The following STX8 variants were observed in gnomAD, a reference collection of about 807,000 sequenced individuals.
STX8 encodes the protein syntaxin 8.
STX8 carries 23 observed loss-of-function variants against 37.5 expected under a neutral mutation model. That is an observed-to-expected ratio of 0.61 (90% CI 0.44 to 0.87). STX8 has a LOEUF of 0.87. Ranked by LOEUF, STX8 falls within the 40% of genes least tolerant of loss-of-function variation. STX8 has a pLI of 0.00. For missense variants in STX8, 313 were observed against 284.7 expected (o/e 1.10, Z -0.71); for synonymous variants, 115 against 99.1 (o/e 1.16, Z -0.95).
At chr17:9,559,876 C>T (rs1161156452) in intron 2 of STX8, among the ~76,000 whole-genome samples, 34 of 146,782 alleles carry the variant, frequency 2.3e-4, no homozygotes, top group African/African-American at 8.0e-4. Context: ...AGTCTCCTGC[C>T]TCAGCCTCCT....
intron 4 of STX8, among the ~76,000 whole-genome samples, chr17:9,522,893 G>A (rs1037403369): frequency 1.3e-5 from 2 of 152,084 alleles, no homozygotes; most frequent in African/African-American, 4.8e-5. Flanking sequence ...ATAATTTACA[G>A]TTTTTTGAAT....
At chr17:9,465,987 TC>T (rs1905596423) in intron 6 of STX8, among the ~76,000 whole-genome samples, 4 of 152,080 alleles carry the variant, frequency 2.6e-5, no homozygotes, top group Admixed American at 2.6e-4. Flanking sequence ...TTTTTTTTTT[TC>T]AGATGGAGTC....
chr17:9,270,157 G>T (rs140034327), intron 7 of STX8, among the ~76,000 whole-genome samples: 1 of 152,188 alleles, frequency 6.6e-6, no homozygotes, highest in Admixed American at 6.5e-5. Flanking sequence ...TTATGTTTTT[G>T]TTGATTGGAT....
In STX8 at chr17:9,535,424, CTT is replaced by C. The variant is rs35962202; in HGVS notation, c.323+9746_323+9747del. ...CATACCCTCTGACCCAGCCATCCTA[CTT>C]TTTTTTTTTTTTTTTTTTTTTTTTG... is the stretch of plus-strand genomic sequence containing the variant. On this transcript the variant is annotated intron_variant, in intron 4 of 7. Transcript: ENST00000306357. Among the ~76,000 whole-genome samples, 498 of 51,470 alleles carry C rather than the reference CTT, an allele frequency of 9.7e-3. 1 individual carries two copies. Among genetic ancestry groups the C allele is most frequent in the Non-Finnish European group, 0.011 (333 of 29,954 alleles). 33.8% of individuals were successfully genotyped at this position (51,470 alleles called of 152,430 possible).
intron 7 of STX8, among the ~76,000 whole-genome samples, chr17:9,284,848 G>A (rs1004265479): frequency 5.9e-5 from 9 of 151,952 alleles, no homozygotes; most frequent in African/African-American, 2.4e-5. Context: ...TGACTTTCTA[G>A]GGGCCGAAAC....
chr17:9,436,987 A>T (rs1424673781), intron 6 of STX8, among the ~76,000 whole-genome samples: 1 of 152,184 alleles, frequency 6.6e-6, no homozygotes, highest in Non-Finnish European at 1.5e-5. Flanking sequence ...TAAATATGAA[A>T]ATACTTAACC....
chr17:9,305,929 G>GTAATAC, intron 7 of STX8, among the ~76,000 whole-genome samples: 1 of 151,790 alleles, frequency 6.6e-6, no homozygotes, highest in East Asian at 1.9e-4. Context: ...ATTTTTAGAA[G>GTAATAC]AGACGGGGTT....
intron 7 of STX8, among the ~76,000 whole-genome samples, chr17:9,304,408 C>T (rs931874189): frequency 2.0e-5 from 3 of 151,248 alleles, no homozygotes; most frequent in African/African-American, 7.3e-5. Context: ...TGCCTGTAAT[C>T]CCAGCTACTC....
At chr17:9,383,097 C>T (rs1911877188) in intron 6 of STX8, among the ~76,000 whole-genome samples, 1 of 152,176 alleles carries the variant, frequency 6.6e-6, no homozygotes, top group Non-Finnish European at 1.5e-5. Flanking sequence ...AGACAGCTGT[C>T]TATGAACCAG....
chr17:9,354,283 T>TA, intron 7 of STX8, among the ~76,000 whole-genome samples: 1 of 152,078 alleles, frequency 6.6e-6, no homozygotes, highest in East Asian at 1.9e-4. Context: ...ATTTCTGTAT[T>TA]ACTTTTTGTT....
chr17:9,290,097 T>C (rs55996914), intron 7 of STX8, among the ~76,000 whole-genome samples: 9,007 of 152,206 alleles, frequency 0.059, 316 homozygotes, highest in Middle Eastern at 0.14. Flanking sequence ...TCAGTACAAG[T>C]ACATTATTTA....
chr17:9,454,668 A>C (rs1905136183), intron 6 of STX8, among the ~76,000 whole-genome samples: 1 of 53,820 alleles, frequency 1.9e-5, no homozygotes, highest in Non-Finnish European at 3.3e-5. Context: ...CGACAGAGCG[A>C]GACTGTCTCA....
chr17:9,371,241 C>T (rs1371458812), intron 7 of STX8, among the ~76,000 whole-genome samples: 1 of 152,122 alleles, frequency 6.6e-6, no homozygotes, highest in Non-Finnish European at 1.5e-5. Flanking sequence ...AACAAAAGGC[C>T]ATTTCATGAT....
chr17:9,429,956 A>AT, intron 6 of STX8, among the ~76,000 whole-genome samples: 34 of 1,476 alleles, frequency 0.023, 11 homozygotes, highest in African/African-American at 0.14. Context: ...TATTATATAT[A>AT]ATATATATAT....
chr17:9,320,631 A>G (rs945547753), intron 7 of STX8, among the ~76,000 whole-genome samples: 15 of 152,100 alleles, frequency 9.9e-5, no homozygotes, highest in African/African-American at 3.4e-4. Context: ...GGTGGCTCAC[A>G]CCTGTAATCC....
chr17:9,254,933 A>G (rs1000797331), intron 7 of STX8, among the ~76,000 whole-genome samples: 69 of 152,316 alleles, frequency 4.5e-4, no homozygotes, highest in African/African-American at 1.6e-3. Flanking sequence ...AGAGGCATAG[A>G]AGGAGTGGTC....
intron 6 of STX8, among the ~76,000 whole-genome samples, chr17:9,474,905 G>A (rs903022467): frequency 6.6e-6 from 1 of 152,196 alleles, no homozygotes; most frequent in African/African-American, 2.4e-5. Context: ...CCAGGAGGCA[G>A]AGGTTGCAGT....
At chr17:9,325,149 C>T (rs1008447218) in intron 7 of STX8, among the ~76,000 whole-genome samples, 4 of 152,118 alleles carry the variant, frequency 2.6e-5, no homozygotes, top group Non-Finnish European at 5.9e-5. Flanking sequence ...TGAAGATAGG[C>T]TAGGCCGAGC....
chr17:9,465,301 T>A (rs1234505561), intron 6 of STX8, among the ~76,000 whole-genome samples: 1 of 152,122 alleles, frequency 6.6e-6, no homozygotes. Flanking sequence ...AAAATATTAA[T>A]CATCCTGCCC....
Sources: allele counts gnomAD v4.1 joint callset (sites outside exome capture counted in the v4.1 genomes callset), GRCh38; gene constraint gnomAD v4.1.1; transcripts MANE v1.5; gene names NCBI Gene and HGNC (gene_info 2026-07-23, HGNC 2026-07-21).